PPP2R3A: variants seen among roughly 807,000 people sequenced by gnomAD.
PPP2R3A encodes protein phosphatase 2 regulatory subunit B''alpha.
PPP2R3A carries 80 observed loss-of-function variants against 106.9 expected under a neutral mutation model. The ratio of observed to expected loss-of-function variants is 0.75; its 90% CI spans 0.62 to 0.90. The LOEUF is 0.90. Among genes scored for constraint, PPP2R3A ranks in the 40% least tolerant of loss-of-function variants. The probability of loss-of-function intolerance (pLI) is 0.00; values close to 1 mark genes in which losing one functional copy is unlikely to be tolerated. For missense variants in PPP2R3A, 1,386 were observed against 1,350.4 expected, an observed-to-expected ratio of 1.03 and a Z score of -0.41; for synonymous variants, 483 against 468.3, an observed-to-expected ratio of 1.03 and a Z score of -0.41.
chr3:136,054,351 C>T (rs942015034), intron 5 of PPP2R3A, among the ~76,000 whole-genome samples: 22 of 150,850 alleles, frequency 1.5e-4, no homozygotes, highest in African/African-American at 2.4e-4. Context: ...CTCCGCCTCC[C>T]GGGTTCAAGC....
At chr3:136,131,221 G>A (rs1015001947) in intron 13 of PPP2R3A, among the ~76,000 whole-genome samples, 1 of 152,244 alleles carries the variant, frequency 6.6e-6, no homozygotes. Context: ...CCATCAGAGT[G>A]AACAGGCAAC....
chr3:136,105,653 T>C (rs1937496375), intron 12 of PPP2R3A, among the ~76,000 whole-genome samples: 1 of 150,608 alleles, frequency 6.6e-6, no homozygotes, highest in Non-Finnish European at 1.5e-5. Flanking sequence ...TGAGACCCTA[T>C]CTCTTTTAAA....
intron 1 of PPP2R3A, among the ~76,000 whole-genome samples, chr3:135,970,971 G>T (rs970555656): frequency 6.6e-6 from 1 of 152,136 alleles, no homozygotes; most frequent in African/African-American, 2.4e-5. Context: ...GCTCCTAAAG[G>T]CCAGTGGTGA....
chr3:135,978,208 A>G (rs928926289), intron 1 of PPP2R3A, among the ~76,000 whole-genome samples: 2 of 152,046 alleles, frequency 1.3e-5, no homozygotes, highest in African/African-American at 4.8e-5. Context: ...ATTTATTTAC[A>G]TATGCATGTA....
At chr3:136,109,109 T>C (rs1937559108) in intron 13 of PPP2R3A, among the ~76,000 whole-genome samples, 1 of 152,110 alleles carries the variant, frequency 6.6e-6, no homozygotes, top group Non-Finnish European at 1.5e-5. Context: ...GAACATAATA[T>C]TCCATAAGAA....
At chr3:135,969,981 T>C (rs569519345) in intron 1 of PPP2R3A, among the ~76,000 whole-genome samples, 1 of 152,352 alleles carries the variant, frequency 6.6e-6, no homozygotes, top group African/African-American at 2.4e-5. Context: ...CTTTTGAGCA[T>C]GTGATCCCTG....
intron 3 of PPP2R3A, among the ~76,000 whole-genome samples, chr3:136,032,266 T>C (rs1934920120): frequency 6.6e-6 from 1 of 152,074 alleles, no homozygotes; most frequent in Non-Finnish European, 1.5e-5. Context: ...GTATGTTTTT[T>C]GTTTGTTTGT....
At position 136,001,811 on chromosome 3, in the gene PPP2R3A, A is replaced by T; in HGVS notation, c.313A>T (p.Asn105Tyr). The T allele has an allele frequency of 6.2e-7, 1 of 1,614,188 alleles. No individual in the cohort carries two copies. Among genetic ancestry groups the T allele is most frequent in the Non-Finnish European group, 8.5e-7 (1 of 1,180,022 alleles). ...GGTCAAGAGAGGATCTACATTTCAG[A>T]ATACCTACAACTTAAAGGATATTGC... is the stretch of plus-strand genomic sequence containing the variant. ...PRVKRGSTFQNTYNLKDIAGE... is the reference protein window; with the variant it reads ...PRVKRGSTFQYTYNLKDIAGE... Residue 105 changes from asparagine to tyrosine, a missense_variant, in exon 2 of 14, where the codon AAT becomes TAT. Transcript: ENST00000264977.
At chr3:136,080,027 C>T (rs1936730264) in intron 7 of PPP2R3A, among the ~76,000 whole-genome samples, 1 of 152,176 alleles carries the variant, frequency 6.6e-6, no homozygotes, top group Non-Finnish European at 1.5e-5. Flanking sequence ...CCCCTTTCCC[C>T]AGAGGGGGAC....
At chr3:136,129,300 A>G (rs1938309690) in intron 13 of PPP2R3A, among the ~76,000 whole-genome samples, 1 of 152,218 alleles carries the variant, frequency 6.6e-6, no homozygotes, top group African/African-American at 2.4e-5. Flanking sequence ...GGAGAGAAGA[A>G]TCAAATAGAT....
chr3:136,036,293 T>C (rs1034278000), intron 3 of PPP2R3A, among the ~76,000 whole-genome samples: 10 of 152,138 alleles, frequency 6.6e-5, no homozygotes, highest in Non-Finnish European at 1.3e-4. Context: ...TTAAAGAACA[T>C]TGTTTTGTCA....
At chr3:135,976,215 A>G (rs1265447840) in intron 1 of PPP2R3A, among the ~76,000 whole-genome samples, 1 of 152,206 alleles carries the variant, frequency 6.6e-6, no homozygotes, top group Non-Finnish European at 1.5e-5. Flanking sequence ...AGTTTCGGCT[A>G]GTGATATATA....
At chr3:136,096,235 A>T (rs1937213571) in intron 10 of PPP2R3A, among the ~76,000 whole-genome samples, 1 of 152,232 alleles carries the variant, frequency 6.6e-6, no homozygotes, top group Non-Finnish European at 1.5e-5. Flanking sequence ...CTGTCTATAG[A>T]ATGAAAATCA....
At chr3:136,069,060 G>A (rs1936348805) in intron 5 of PPP2R3A, among the ~76,000 whole-genome samples, 1 of 152,154 alleles carries the variant, frequency 6.6e-6, no homozygotes, top group South Asian at 2.1e-4. Context: ...GATTGGAAGA[G>A]ACCAGTGAGA....
At chr3:136,142,190 C>T (rs1040136702) in intron 13 of PPP2R3A, among the ~76,000 whole-genome samples, 1 of 152,154 alleles carries the variant, frequency 6.6e-6, no homozygotes, top group South Asian at 2.1e-4. Flanking sequence ...GAACCTGGGA[C>T]GCACTGGCAT....
intron 3 of PPP2R3A, among the ~76,000 whole-genome samples, chr3:136,036,279 G>A (rs1576451917): frequency 6.6e-6 from 1 of 152,016 alleles, no homozygotes; most frequent in East Asian, 1.9e-4. Context: ...ATTTTTTGAA[G>A]GTATTAAAGA....
intron 7 of PPP2R3A, among the ~76,000 whole-genome samples, chr3:136,081,674 A>G (rs1936785071): frequency 6.6e-6 from 1 of 152,152 alleles, no homozygotes; most frequent in African/African-American, 2.4e-5. Context: ...TTGTGGGTTC[A>G]GTATCATTGA....
chr3:136,117,432 A>G (rs1240398107), intron 13 of PPP2R3A, among the ~76,000 whole-genome samples: 3 of 152,208 alleles, frequency 2.0e-5, no homozygotes, highest in African/African-American at 4.8e-5. Context: ...CGAAAAATCA[A>G]TGAATCCAGG....
chr3:136,068,906 TCTGTGGTTCTCCTGCCAAA>T (rs1169065541), intron 5 of PPP2R3A, among the ~76,000 whole-genome samples: 19 of 152,296 alleles, frequency 1.2e-4, no homozygotes, highest in African/African-American at 4.6e-4. Context: ...ACTCATCACT[TCTGTGGTTCTCCTGCCAAA>T]AATGTGTAAC....
Sources: gnomAD v4.1 joint callset for allele counts (sites outside exome capture counted in the v4.1 genomes callset) on GRCh38, gnomAD v4.1.1 for gene constraint, MANE v1.5 for transcripts, NCBI Gene and HGNC (gene_info 2026-07-23, HGNC 2026-07-21) for gene names.